GATA4: variants seen among roughly 807,000 people sequenced by gnomAD.
GATA4 encodes transcription factor GATA-4.
In GATA4, 7 loss-of-function variants were observed where a neutral mutation model predicts 37.9. That is an observed-to-expected ratio of 0.18 (90% CI 0.11 to 0.35). GATA4 has a LOEUF of 0.35. Among genes scored for constraint, GATA4 ranks in the 10% least tolerant of loss-of-function variants. GATA4 has a pLI of 1.00. For missense variants in GATA4, 647 were observed against 653.0 expected (o/e 0.99, Z 0.10); for synonymous variants, 372 against 292.6 (o/e 1.27, Z -2.77).
chr8:11,683,776 G>T (rs1055964896), intron 1 of GATA4, among the ~76,000 whole-genome samples: 4 of 152,124 alleles, frequency 2.6e-5, no homozygotes, highest in South Asian at 2.1e-4. Flanking sequence ...GGCCCCAGAG[G>T]TTATCTAGCC....
chr8:11,713,575 G>A (rs1800296365), intron 2 of GATA4, among the ~76,000 whole-genome samples: 3 of 151,830 alleles, frequency 2.0e-5, no homozygotes, highest in South Asian at 4.2e-4. Context: ...CTTTTAGGCT[G>A]GAGAAGTCAC....
intron 5 of GATA4, 94 bp from the exon 6 acceptor site, chr8:11,756,841 A>G (rs1802593007): frequency 1.3e-6 from 2 of 1,544,570 alleles, no homozygotes; most frequent in Non-Finnish European, 1.8e-6. Context: ...AGATAAAGCC[A>G]TTAGCTTGCA....
intron 2 of GATA4, among the ~76,000 whole-genome samples, chr8:11,723,286 T>G (rs1016717320): frequency 6.6e-6 from 1 of 151,796 alleles, no homozygotes; most frequent in African/African-American, 2.4e-5. Flanking sequence ...GACCTGGGAG[T>G]TCGAGGCTGC....
At chr8:11,735,156 T>C (rs1343164838) in intron 2 of GATA4, among the ~76,000 whole-genome samples, 2 of 152,232 alleles carry the variant, frequency 1.3e-5, no homozygotes, top group African/African-American at 2.4e-5. Flanking sequence ...AAACAAAGAT[T>C]TGAAAAAGCT....
chr8:11,692,862 C>A (rs1002936050), intron 1 of GATA4: 1 of 981,180 alleles, frequency 1.0e-6, no homozygotes, highest in African/African-American at 1.8e-5. Flanking sequence ...TGACCCCGAG[C>A]GCCGCCGAGT....
At chr8:11,734,572 C>T (rs1192600417) in intron 2 of GATA4, among the ~76,000 whole-genome samples, 3 of 152,166 alleles carry the variant, frequency 2.0e-5, no homozygotes, top group South Asian at 2.1e-4. Flanking sequence ...CTGCAACCTC[C>T]GCCTCCTGGG....
At chr8:11,679,259 CGG>C (rs1798878012) in intron 1 of GATA4, among the ~76,000 whole-genome samples, 1 of 150,850 alleles carries the variant, frequency 6.6e-6, no homozygotes, top group Non-Finnish European at 1.5e-5. Flanking sequence ...GGCCCTGCCT[CGG>C]ATCTCCACGG....
intron 2 of GATA4, among the ~76,000 whole-genome samples, chr8:11,717,457 G>T (rs890933864): frequency 6.6e-6 from 1 of 152,144 alleles, no homozygotes; most frequent in Admixed American, 6.5e-5. Flanking sequence ...TGTTTTGCTG[G>T]AAAGAAAGCT....
intron 2 of GATA4, among the ~76,000 whole-genome samples, chr8:11,711,582 A>T (rs568685561): frequency 6.6e-6 from 1 of 152,092 alleles, no homozygotes; most frequent in Non-Finnish European, 1.5e-5. Context: ...GTTCGAGGTC[A>T]GCCTGGGCAA....
At chr8:11,691,712 T>C (rs913205309), upstream of GATA4, among the ~76,000 whole-genome samples, 1 of 152,086 alleles carries the variant, frequency 6.6e-6, no homozygotes, top group Non-Finnish European at 1.5e-5. Context: ...AGGAGCTCCC[T>C]CCAGCCTCAA....
chr8:11,744,889 T>A (rs1801953389), intron 2 of GATA4, among the ~76,000 whole-genome samples: 1 of 152,148 alleles, frequency 6.6e-6, no homozygotes, highest in African/African-American at 2.4e-5. Flanking sequence ...ACAATTAGGG[T>A]CTGCCATGAG....
At chr8:11,719,278 G>C (rs1800566560) in intron 2 of GATA4, among the ~76,000 whole-genome samples, 1 of 150,496 alleles carries the variant, frequency 6.6e-6, no homozygotes, top group Admixed American at 6.6e-5. Flanking sequence ...ACCAGGTAAA[G>C]ACAGGCAATA....
chr8:11,758,226 C>T (rs1195154150), intron 6 of GATA4, 67 bp from the exon 7 acceptor site: 6 of 1,555,668 alleles, frequency 3.9e-6, no homozygotes, highest in Admixed American at 1.7e-5. Flanking sequence ...GCACCCTCCC[C>T]AGCCTAGACC....
chr8:11,717,014 G>A (rs1349225794), intron 2 of GATA4, among the ~76,000 whole-genome samples: 1 of 152,136 alleles, frequency 6.6e-6, no homozygotes, highest in Non-Finnish European at 1.5e-5. Context: ...TTGTCTTTTG[G>A]GAACTTATTT....
At chr8:11,699,061 C>A (rs147920214) in intron 1 of GATA4, among the ~76,000 whole-genome samples, 1,593 of 152,308 alleles carry the variant, frequency 0.01, 15 homozygotes, top group African/African-American at 0.036. Context: ...AAATTTTAAT[C>A]ATTCACCCAA....
At chr8:11,751,135 T>G (rs988014502) in intron 4 of GATA4, among the ~76,000 whole-genome samples, 1 of 152,204 alleles carries the variant, frequency 6.6e-6, no homozygotes, top group African/African-American at 2.4e-5. Flanking sequence ...ATTTACTGTT[T>G]GTGCCTGGAA....
intron 2 of GATA4, among the ~76,000 whole-genome samples, chr8:11,727,778 C>T (rs1196991011): frequency 1.3e-5 from 2 of 151,652 alleles, no homozygotes; most frequent in Admixed American, 6.6e-5. Context: ...GAGGTGGAGA[C>T]TGCGGTGAGC....
At chr8:11,720,793 C>T (rs1299405466) in intron 2 of GATA4, among the ~76,000 whole-genome samples, 1 of 150,180 alleles carries the variant, frequency 6.7e-6, no homozygotes, top group African/African-American at 2.5e-5. Context: ...TTTTTTTATA[C>T]GGCTGCATTG....
chr8:11,695,629 G>T (rs936602533), intron 1 of GATA4, among the ~76,000 whole-genome samples: 3 of 152,172 alleles, frequency 2.0e-5, no homozygotes, highest in Non-Finnish European at 1.5e-5. Context: ...TCCAAGGACT[G>T]ACTGGTTCTC....
Sources: allele counts gnomAD v4.1 joint callset (sites outside exome capture counted in the v4.1 genomes callset), GRCh38; gene constraint gnomAD v4.1.1; transcripts MANE v1.5; gene names NCBI Gene and HGNC (gene_info 2026-07-23, HGNC 2026-07-21).